Variants in TBL1X observed in about 807,000 individuals in gnomAD.
TBL1X encodes F-box-like/WD repeat-containing protein TBL1X.
Under a neutral mutation model 50.7 loss-of-function variants are expected in TBL1X, and 10 were observed. That is an observed-to-expected ratio of 0.20 (90% confidence interval 0.12 to 0.33). The LOEUF is 0.33. TBL1X is among the 10% of genes least tolerant of loss of function. TBL1X has a pLI of 1.00. For synonymous variants in TBL1X, 190 were observed against 214.7 expected (o/e 0.88, Z 1.01); for missense variants, 340 against 504.4 (o/e 0.67, Z 3.12).
intron 5 of TBL1X, among the ~76,000 whole-genome samples, chrX:9,660,065 G>A (rs146606890): frequency 0.061 from 6,853 of 112,604 alleles, 223 homozygotes; most frequent in Non-Finnish European, 0.1. Context: ...TCAGCCCTCC[G>A]GTGGATAAGC....
chrX:9,466,435 G>A (rs927027731), intron 1 of TBL1X, among the ~76,000 whole-genome samples: 3 of 112,975 alleles, frequency 2.7e-5, no homozygotes, highest in Non-Finnish European at 5.6e-5. Flanking sequence ...CCCCCAGCCA[G>A]CTGCGTTGGA....
rs776181737 is a variant in TBL1X at position 9,504,344 on chromosome X, G to A, written c.-131+2495G>A. ...AAACTAGACAAACTCATGAAGATGA[G>A]AAAGAATGAAAAAATGCTGAAAACC... On this transcript the variant is annotated intron_variant, in intron 2 of 17. Transcript: ENST00000645353. 3.6e-5 allele frequency among the ~76,000 whole-genome samples: 4 copies of A among 111,987 alleles called. No individual in the cohort carries two copies. The South Asian group carries it at 1.5e-3, about 41-fold the overall frequency.
At chrX:9,708,600 G>T (rs1051876033) in intron 13 of TBL1X, among the ~76,000 whole-genome samples, 2 of 109,602 alleles carry the variant, frequency 1.8e-5, no homozygotes, top group African/African-American at 6.7e-5. Context: ...GTGCATAAGA[G>T]GCCTGGCATG....
At chrX:9,520,273 C>T (rs1020401289) in intron 2 of TBL1X, among the ~76,000 whole-genome samples, 1 of 112,098 alleles carries the variant, frequency 8.9e-6, no homozygotes, top group Non-Finnish European at 1.9e-5. Context: ...TTACCAAGCA[C>T]CTCCTCTTCC....
intron 2 of TBL1X, among the ~76,000 whole-genome samples, chrX:9,577,885 T>G (rs1254114397): frequency 1.8e-5 from 2 of 112,495 alleles, no homozygotes; most frequent in Admixed American, 9.4e-5. Context: ...TGTAAGAATA[T>G]GAAGTTGATG....
intron 1 of TBL1X, among the ~76,000 whole-genome samples, chrX:9,491,622 A>C (rs2081945807): frequency 9.1e-6 from 1 of 109,921 alleles, no homozygotes; most frequent in Non-Finnish European, 1.9e-5. Context: ...TTGCAATGTG[A>C]GTTGCGCTCT....
intron 2 of TBL1X, among the ~76,000 whole-genome samples, chrX:9,518,189 C>T (rs1010025343): frequency 8.9e-6 from 1 of 112,028 alleles, no homozygotes; most frequent in Non-Finnish European, 1.9e-5. Context: ...ACTGGAGCTC[C>T]GCCATGCCCA....
intron 3 of TBL1X, among the ~76,000 whole-genome samples, chrX:9,646,393 T>G (rs1169609303): frequency 8.9e-6 from 1 of 112,765 alleles, no homozygotes; most frequent in Non-Finnish European, 1.9e-5. Context: ...TTGGGATTTA[T>G]ATGTAAACTT....
At chrX:9,482,882 A>G (rs987017493) in intron 1 of TBL1X, among the ~76,000 whole-genome samples, 5 of 111,270 alleles carry the variant, frequency 4.5e-5, no homozygotes, top group African/African-American at 1.3e-4. Context: ...TAATTATTGC[A>G]TTTCCCTTAG....
chrX:9,568,761 C>T (rs1044299828), intron 2 of TBL1X, among the ~76,000 whole-genome samples: 2 of 93,628 alleles, frequency 2.1e-5, no homozygotes, highest in South Asian at 5.1e-4. Context: ...TTTGTGTTGT[C>T]TCTATCTGTG....
At position 9,538,315 on chromosome X, in the gene TBL1X, AG is replaced by A. The variant is rs1368148477; in HGVS notation, c.-131+36467del. 2.7e-5 allele frequency among the ~76,000 whole-genome samples: 3 copies of A among 111,784 alleles called. No individual in the cohort carries two copies. In the East Asian group the frequency reaches 8.4e-4, roughly 31 times the overall value. ...GGTTTATGTTGCTCAATAGCAGAAA[AG>A]CGGTTCAGATTTCCTTTGGATATCA... is the stretch of plus-strand genomic sequence containing the variant. On this transcript the variant is annotated intron_variant, in intron 2 of 17. Coordinates refer to ENST00000645353, the MANE Select transcript of TBL1X (RefSeq NM_005647.4).
At chrX:9,490,771 T>C (rs762427513) in intron 1 of TBL1X, among the ~76,000 whole-genome samples, 1 of 112,158 alleles carries the variant, frequency 8.9e-6, no homozygotes, top group South Asian at 3.7e-4. Context: ...CTGCTCATAT[T>C]GTATTAATTC....
chrX:9,578,746 A>AATT, intron 2 of TBL1X, among the ~76,000 whole-genome samples: 1 of 111,745 alleles, frequency 8.9e-6, no homozygotes, highest in Non-Finnish European at 1.9e-5. Flanking sequence ...TTATCATCCT[A>AATT]AGGAAGCCCG....
rs142002495 is a variant in TBL1X at position 9,605,505 on chromosome X, A to G, written c.-130-34768A>G. Among the ~76,000 whole-genome samples, 232 of 112,868 alleles carry G rather than the reference A, an allele frequency of 2.1e-3. 2 individuals carry two copies. Among genetic ancestry groups the G allele is most frequent in the Non-Finnish European group, 3.5e-3 (188 of 53,334 alleles). On this transcript the variant is annotated intron_variant, in intron 2 of 17. Transcript: ENST00000645353. ...TTATGTCAAGAATTTGCTAAAATAA[A>G]TCAGACAAGTTTAGGATTTACCTCA...
At chrX:9,479,324 T>A (rs2081866783) in intron 1 of TBL1X, among the ~76,000 whole-genome samples, 1 of 112,124 alleles carries the variant, frequency 8.9e-6, no homozygotes, top group Admixed American at 9.4e-5. Context: ...CACACGCCTG[T>A]AATCCCAGCT....
intron 5 of TBL1X, among the ~76,000 whole-genome samples, chrX:9,664,814 A>G (rs1362295376): frequency 9.0e-6 from 1 of 111,137 alleles, no homozygotes; most frequent in Non-Finnish European, 1.9e-5. Context: ...CCTTGGCACT[A>G]TTGACAATGG....
intron 2 of TBL1X, among the ~76,000 whole-genome samples, chrX:9,529,353 A>G (rs935898457): frequency 3.6e-5 from 4 of 111,257 alleles, no homozygotes; most frequent in African/African-American, 6.6e-5. Flanking sequence ...TGGTTGCCAC[A>G]GTTTTCTTGG....
chrX:9,579,281 C>T (rs971008608), intron 2 of TBL1X, among the ~76,000 whole-genome samples: 1 of 112,162 alleles, frequency 8.9e-6, no homozygotes, highest in Non-Finnish European at 1.9e-5. Context: ...CATTGGGAAA[C>T]CCTCTCAAAA....
chrX:9,510,106 G>C (rs1477490779), intron 2 of TBL1X, among the ~76,000 whole-genome samples: 2 of 111,031 alleles, frequency 1.8e-5, no homozygotes, highest in Non-Finnish European at 3.8e-5. Context: ...AACATCTAGA[G>C]TTTGGTTGTC....
Sources: allele counts gnomAD v4.1 joint callset (sites outside exome capture counted in the v4.1 genomes callset), GRCh38; gene constraint gnomAD v4.1.1; transcripts MANE v1.5; gene names NCBI Gene and HGNC (gene_info 2026-07-23, HGNC 2026-07-21).